The following EFL1 variants were observed in gnomAD, a reference collection of about 807,000 sequenced individuals.
EFL1 encodes the protein elongation factor-like GTPase 1.
A neutral mutation model predicts 126.7 loss-of-function variants in EFL1; 76 were observed. The ratio of observed to expected loss-of-function variants is 0.60; its 90% CI spans 0.50 to 0.73. The LOEUF (loss-of-function observed/expected upper bound fraction) is 0.73, where lower values mean the gene tolerates loss of function less well. EFL1 is among the 30% of genes least tolerant of loss of function. The pLI is 0.00. For synonymous variants in EFL1, 410 were observed against 448.4 expected (o/e 0.91, Z 1.08); for missense variants, 1,128 against 1,343.2 (o/e 0.84, Z 2.50).
intron 3 of EFL1, among the ~76,000 whole-genome samples, chr15:82,253,155 C>T (rs2075038604): frequency 6.6e-6 from 1 of 152,044 alleles, no homozygotes; most frequent in South Asian, 2.1e-4. Flanking sequence ...TCTCTTGCCT[C>T]AGGCCTCCCA....
chr15:82,154,013 C>T lies in EFL1; in HGVS notation c.2031-1590G>A, dbSNP rs151216015. On this transcript the variant is annotated intron_variant, in intron 17 of 19. Coordinates refer to ENST00000268206, the MANE Select transcript of EFL1 (RefSeq NM_024580.6). ...GAGAGAGAACACATCTACAACACTG[C>T]CCTCTTATTCCTGTAACATAGTCAA... Among the ~76,000 whole-genome samples the T allele has an allele frequency of 9.4e-3, 1,435 of 152,304 alleles. 27 individuals are homozygous for T. Among genetic ancestry groups the T allele is most frequent in the African/African-American group, 0.033 (1,361 of 41,566 alleles).
intron 14 of EFL1, among the ~76,000 whole-genome samples, chr15:82,219,395 T>A (rs2074684170): frequency 1.3e-5 from 2 of 152,244 alleles, no homozygotes; most frequent in African/African-American, 4.8e-5. Flanking sequence ...AAGGTGACTC[T>A]TGCCTAGAAG....
At chr15:82,225,868 G>A (rs374812861) in intron 11 of EFL1, among the ~76,000 whole-genome samples, 52 of 151,688 alleles carry the variant, frequency 3.4e-4, no homozygotes, top group Admixed American at 7.9e-4. Context: ...CTATACTGGA[G>A]GTAAAAAAAC....
intron 14 of EFL1, among the ~76,000 whole-genome samples, chr15:82,215,910 G>A (rs1052611026): frequency 6.6e-6 from 1 of 152,174 alleles, no homozygotes; most frequent in African/African-American, 2.4e-5. Context: ...CTCTAAAGAT[G>A]GGCTGGAGAG....
chr15:82,145,613 C>G (rs532833254), intron 18 of EFL1, among the ~76,000 whole-genome samples: 7 of 151,842 alleles, frequency 4.6e-5, no homozygotes, highest in African/African-American at 1.7e-4. Context: ...GGGTGGATTA[C>G]CTGAGGTCAG....
chr15:82,141,128 G>A (rs1356935412), intron 18 of EFL1, among the ~76,000 whole-genome samples: 2 of 151,932 alleles, frequency 1.3e-5, no homozygotes, highest in East Asian at 1.9e-4. Context: ...CTGTTTTATC[G>A]TGGCCACTCT....
In EFL1 at chr15:82,225,199, C is replaced by A. The variant is rs774444383; in HGVS notation, c.1258G>T (p.Val420Phe). The A allele has an allele frequency of 6.2e-7, 1 of 1,612,124 alleles. No homozygotes were observed. Among genetic ancestry groups the A allele is most frequent in the Non-Finnish European group, 8.5e-7 (1 of 1,179,454 alleles). Residue 420 changes from valine (V) to phenylalanine (F), a missense_variant, in exon 12 of 20, where the codon GTT (valine) becomes TTT (phenylalanine). Coordinates refer to ENST00000268206, the MANE Select transcript of EFL1 (RefSeq NM_024580.6). ...VIIFVSKMFAVDAKALPQNKP... is the reference protein window; with the variant it reads ...VIIFVSKMFAFDAKALPQNKP... ...TTCTGAGGCAAGGCCTTAGCATCAA[C>A]TGCAAACATTTTGGAAACAAATATA...
At chr15:82,262,004 G>A (rs1181866310) in intron 1 of EFL1, 7 of 449,894 alleles carry the variant, frequency 1.6e-5, no homozygotes, top group Non-Finnish European at 2.8e-5. Context: ...CACTTAAGGA[G>A]TTTGCTCATC....
At chr15:82,145,075 G>A (rs1010177046) in intron 18 of EFL1, among the ~76,000 whole-genome samples, 3 of 151,666 alleles carry the variant, frequency 2.0e-5, no homozygotes, top group Non-Finnish European at 2.9e-5. Context: ...AGGCCGAGGC[G>A]GGTTGATAAC....
chr15:82,197,827 G>A (rs996871672), intron 15 of EFL1, among the ~76,000 whole-genome samples: 6 of 152,076 alleles, frequency 3.9e-5, no homozygotes, highest in Admixed American at 2.0e-4. Flanking sequence ...CTATATTAAT[G>A]ATTCAGTCAT....
At chr15:82,151,349 C>CT in intron 18 of EFL1, 116 bp downstream of exon 18, 1 of 997,768 alleles carries the variant, frequency 1.0e-6, no homozygotes, top group Non-Finnish European at 1.5e-6. Flanking sequence ...GATTGTGCCA[C>CT]TGCACTCCAG....
rs1390986822 is a variant in EFL1, at chr15:82,133,600, T to C, written c.3175-3039A>G. The stretch of plus-strand genomic sequence containing the variant: ...TGGGGAAGGAGGGGTGAATGGCACA[T>C]AGGACCTCCTTGTACATATTTTTTG... On this transcript the variant is annotated intron_variant, in intron 19 of 19. Transcript: ENST00000268206. Among the ~76,000 whole-genome samples the C allele has an allele frequency of 3.3e-5, 5 of 152,244 alleles. No individual in the cohort carries two copies. The South Asian group carries it at 6.2e-4, about 19-fold the overall frequency.
chr15:82,167,445 A>AT (rs773606306), intron 15 of EFL1, among the ~76,000 whole-genome samples: 2 of 151,826 alleles, frequency 1.3e-5, no homozygotes, highest in East Asian at 1.9e-4. Flanking sequence ...GTTGAGCCAA[A>AT]TTTTTTTTTC....
intron 8 of EFL1, among the ~76,000 whole-genome samples, chr15:82,230,149 A>T (rs1209997857): frequency 1.3e-5 from 2 of 152,202 alleles, no homozygotes; most frequent in East Asian, 3.8e-4. Flanking sequence ...CAACTGAGGG[A>T]TGTATATATC....
At chr15:82,215,079 T>G (rs566785485) in intron 14 of EFL1, among the ~76,000 whole-genome samples, 1 of 152,230 alleles carries the variant, frequency 6.6e-6, no homozygotes, top group African/African-American at 2.4e-5. Flanking sequence ...TAGATTCCCA[T>G]TTAATCATAA....
chr15:82,195,782 A>G (rs2074401958), intron 15 of EFL1, among the ~76,000 whole-genome samples: 1 of 152,194 alleles, frequency 6.6e-6, no homozygotes, highest in South Asian at 2.1e-4. Context: ...CCCACACTTG[A>G]ACATGCATCC....
chr15:82,245,767 T>C (rs1033206167), intron 4 of EFL1, among the ~76,000 whole-genome samples: 1 of 151,718 alleles, frequency 6.6e-6, no homozygotes, highest in Non-Finnish European at 1.5e-5. Flanking sequence ...CCATCATCTC[T>C]ACAAAAAAAT....
intron 16 of EFL1, among the ~76,000 whole-genome samples, chr15:82,163,602 G>T (rs988513302): frequency 5.3e-5 from 8 of 152,160 alleles, no homozygotes; most frequent in Non-Finnish European, 1.2e-4. Flanking sequence ...CCAGGGTTGT[G>T]GGGGATGTAG....
At chr15:82,170,107 T>TC (rs2074118610) in intron 15 of EFL1, among the ~76,000 whole-genome samples, 1 of 31,674 alleles carries the variant, frequency 3.2e-5, no homozygotes, top group Admixed American at 2.3e-4. Flanking sequence ...ACTGGATGTC[T>TC]TTTTTTTTTT....
Sources: gnomAD v4.1 joint callset for allele counts (sites outside exome capture counted in the v4.1 genomes callset) on GRCh38, gnomAD v4.1.1 for gene constraint, MANE v1.5 for transcripts, NCBI Gene and HGNC (gene_info 2026-07-23, HGNC 2026-07-21) for gene names.